NLK: variants seen among roughly 807,000 people sequenced by gnomAD.
NLK encodes the protein nemo like kinase.
In NLK, 11 loss-of-function variants were observed where a neutral mutation model predicts 59.0. The ratio of observed to expected loss-of-function variants is 0.19; its 90% CI spans 0.12 to 0.31. The LOEUF is 0.31. Ranked by LOEUF, NLK falls within the 10% of genes least tolerant of loss-of-function variation. The pLI, the probability that NLK is intolerant of heterozygous loss-of-function variation, is 1.00. For synonymous variants in NLK, 235 were observed against 235.9 expected (o/e 1.00, Z 0.03); for missense variants, 410 against 661.1 (o/e 0.62, Z 4.16).
chr17:28,159,214 A>G (rs1445783604), intron 3 of NLK, among the ~76,000 whole-genome samples: 1 of 152,234 alleles, frequency 6.6e-6, no homozygotes, highest in Non-Finnish European at 1.5e-5. Flanking sequence ...GAAGAAGGCC[A>G]AATGATTTAT....
chr17:28,171,906 A>G (rs942247906), intron 6 of NLK, among the ~76,000 whole-genome samples: 1 of 152,156 alleles, frequency 6.6e-6, no homozygotes, highest in Non-Finnish European at 1.5e-5. Flanking sequence ...CTATATTTCT[A>G]TCATATAAAT....
chr17:28,118,743 T>C (rs1371479310), intron 1 of NLK, among the ~76,000 whole-genome samples: 1 of 152,232 alleles, frequency 6.6e-6, no homozygotes, highest in African/African-American at 2.4e-5. Context: ...TGGATTCTTC[T>C]GGCTTTTTAA....
chr17:28,137,093 G>A (rs141051989), intron 3 of NLK, among the ~76,000 whole-genome samples: 167 of 151,920 alleles, frequency 1.1e-3, no homozygotes, highest in African/African-American at 3.8e-3. Context: ...TATTATCTAT[G>A]TCAGCAGCTC....
chr17:28,061,959 G>A (rs868391916), intron 1 of NLK: 118 of 141,036 alleles, frequency 8.4e-4, no homozygotes, highest in African/African-American at 2.9e-3. Flanking sequence ...TAAGAAAACA[G>A]TGCCATCATG....
At chr17:28,075,845 C>A (rs1338029572) in intron 1 of NLK, among the ~76,000 whole-genome samples, 1 of 152,090 alleles carries the variant, frequency 6.6e-6, no homozygotes, top group Non-Finnish European at 1.5e-5. Context: ...TTTAATCTTA[C>A]ACTGTATGCT....
At chr17:28,180,115 A>T (rs963703425) in intron 7 of NLK, among the ~76,000 whole-genome samples, 1 of 152,152 alleles carries the variant, frequency 6.6e-6, no homozygotes, top group Admixed American at 6.5e-5. Context: ...ATTGGCATGA[A>T]TAAACTGACA....
chr17:28,072,060 C>T (rs1455954503), intron 1 of NLK, among the ~76,000 whole-genome samples: 1 of 152,162 alleles, frequency 6.6e-6, no homozygotes, highest in East Asian at 1.9e-4. Flanking sequence ...GCTTATCTAA[C>T]CTTTTCTCCT....
At chr17:28,082,957 G>A (rs1910398025) in intron 1 of NLK, among the ~76,000 whole-genome samples, 1 of 152,162 alleles carries the variant, frequency 6.6e-6, no homozygotes, top group African/African-American at 2.4e-5. Flanking sequence ...TTCCTAAAAA[G>A]TATTTTGGTT....
chr17:28,172,487 A>T (rs201460324), intron 6 of NLK, 30 bp from the exon 7 acceptor site: 112 of 1,424,656 alleles, frequency 7.9e-5, no homozygotes, highest in Non-Finnish European at 1.0e-4. Context: ...CCATGAGATT[A>T]CTATCTATCT....
intron 1 of NLK, among the ~76,000 whole-genome samples, chr17:28,100,738 T>G (rs1904875354): frequency 6.6e-6 from 1 of 152,192 alleles, no homozygotes; most frequent in Non-Finnish European, 1.5e-5. Flanking sequence ...TTTTTTTACT[T>G]TCATAGTTTT....
intron 1 of NLK, among the ~76,000 whole-genome samples, chr17:28,069,361 T>C (rs1164723767): frequency 6.6e-6 from 1 of 152,234 alleles, no homozygotes; most frequent in East Asian, 1.9e-4. Context: ...TACATAAGTC[T>C]TTTTATGGAT....
intron 2 of NLK, among the ~76,000 whole-genome samples, chr17:28,130,048 C>T (rs189462382): frequency 6.6e-6 from 1 of 152,228 alleles, no homozygotes; most frequent in African/African-American, 2.4e-5. Context: ...TTTAATTAGA[C>T]AAGTCTGCTT....
chr17:28,114,775 A>G lies in NLK; in HGVS notation c.459-7828A>G, dbSNP rs745542249. 1.3e-4 allele frequency among the ~76,000 whole-genome samples: 20 copies of G among 152,140 alleles called. 1 individual carries two copies. The highest frequency in any genetic ancestry group is 5.9e-4 in the Admixed American group (9 of 15,272). ...GTTCATCTTGTTTTTCCATGTGGAT[A>G]TTTCATGGTTCCAATAACATAGATT... On this transcript the variant is annotated intron_variant, in intron 1 of 10. Coordinates refer to ENST00000407008, the MANE Select transcript of NLK (RefSeq NM_016231.5).
intron 1 of NLK, among the ~76,000 whole-genome samples, chr17:28,102,189 A>G (rs1213678342): frequency 6.6e-6 from 1 of 151,976 alleles, no homozygotes; most frequent in Non-Finnish European, 1.5e-5. Context: ...TGTTGCCTGC[A>G]TTTTGTTTTT....
chr17:28,131,255 A>C (rs189878658), intron 2 of NLK, among the ~76,000 whole-genome samples: 1 of 152,098 alleles, frequency 6.6e-6, no homozygotes, highest in African/African-American at 2.4e-5. Context: ...TATCAGTCAT[A>C]CTATGTAAAT....
At chr17:28,079,097 T>C (rs981290334) in intron 1 of NLK, among the ~76,000 whole-genome samples, 2 of 152,222 alleles carry the variant, frequency 1.3e-5, no homozygotes, top group Admixed American at 6.5e-5. Context: ...TTGACTACTT[T>C]AGATACCTAA....
intron 4 of NLK, 133 bp downstream of exon 4, chr17:28,161,399 T>A: frequency 3.6e-6 from 2 of 561,952 alleles, no homozygotes; most frequent in Non-Finnish European, 6.3e-6. Context: ...CCAAAGCATA[T>A]TTTATAATTT....
intron 7 of NLK, among the ~76,000 whole-genome samples, chr17:28,179,423 T>C (rs1294712426): frequency 6.6e-6 from 1 of 152,022 alleles, no homozygotes; most frequent in Non-Finnish European, 1.5e-5. Flanking sequence ...TTTTATTTTA[T>C]TTTATTTTAA....
At chr17:28,055,931 A>T (rs1442272781) in intron 1 of NLK, among the ~76,000 whole-genome samples, 1 of 152,184 alleles carries the variant, frequency 6.6e-6, no homozygotes, top group Non-Finnish European at 1.5e-5. Context: ...TTTCTTTAGC[A>T]CATAAAAGGA....
Sources: allele counts gnomAD v4.1 joint callset (sites outside exome capture counted in the v4.1 genomes callset), GRCh38; gene constraint gnomAD v4.1.1; transcripts MANE v1.5; gene names NCBI Gene and HGNC (gene_info 2026-07-23, HGNC 2026-07-21).